Variants in PPARGC1A observed in about 807,000 individuals in gnomAD.
The protein encoded by PPARGC1A is PPARG coactivator 1 alpha.
Under a neutral mutation model 88.7 loss-of-function variants are expected in PPARGC1A, and 25 were observed. The ratio of observed to expected loss-of-function variants is 0.28; its 90% CI spans 0.21 to 0.39. The LOEUF is 0.39. PPARGC1A is among the 10% of genes least tolerant of loss of function. PPARGC1A has a pLI of 1.00. For synonymous variants in PPARGC1A, 363 were observed against 355.6 expected (o/e 1.02, Z -0.24); for missense variants, 880 against 968.7 (o/e 0.91, Z 1.22).
the PPARGC1A span, among the ~76,000 whole-genome samples, chr4:24,208,753 A>G: frequency 6.6e-6 from 1 of 150,680 alleles, no homozygotes; most frequent in Admixed American, 6.6e-5. Flanking sequence ...TCCAGTGCTT[A>G]CTATGTGCCA....
the PPARGC1A span, among the ~76,000 whole-genome samples, chr4:24,317,014 G>A: frequency 6.6e-6 from 1 of 152,082 alleles, no homozygotes; most frequent in Non-Finnish European, 1.5e-5. Flanking sequence ...AACTGTAACT[G>A]AGAACTGTTC....
chr4:24,139,251 A>G, the PPARGC1A span, among the ~76,000 whole-genome samples: 1 of 151,632 alleles, frequency 6.6e-6, no homozygotes, highest in Admixed American at 6.6e-5. Context: ...CTTCTGCCTC[A>G]GCCTCCCAAG....
upstream of PPARGC1A, among the ~76,000 whole-genome samples, chr4:23,908,220 G>A (rs1236893173): frequency 6.6e-6 from 1 of 152,102 alleles, no homozygotes. Context: ...GTATTTATAA[G>A]CAAAATCATC....
the PPARGC1A span, among the ~76,000 whole-genome samples, chr4:23,928,347 A>G: frequency 6.6e-6 from 1 of 152,162 alleles, no homozygotes; most frequent in African/African-American, 2.4e-5. Flanking sequence ...CAAAATAAAT[A>G]CTCAACAAGA....
the PPARGC1A span, among the ~76,000 whole-genome samples, chr4:23,995,880 A>G: frequency 6.6e-6 from 1 of 152,198 alleles, no homozygotes; most frequent in Non-Finnish European, 1.5e-5. Flanking sequence ...TTAGCTGAAT[A>G]AATCCATAAA....
At chr4:24,039,468 T>G in the PPARGC1A span, among the ~76,000 whole-genome samples, 1 of 152,156 alleles carries the variant, frequency 6.6e-6, no homozygotes, top group Non-Finnish European at 1.5e-5. Context: ...TATTTAAGGC[T>G]ACAAAGAATC....
At chr4:24,354,597 A>G in the PPARGC1A span, among the ~76,000 whole-genome samples, 35 of 152,262 alleles carry the variant, frequency 2.3e-4, no homozygotes, top group Non-Finnish European at 4.4e-4. Context: ...ATGTAAAACC[A>G]CCCTTTTGGC....
At chr4:24,132,833 C>G in the PPARGC1A span, among the ~76,000 whole-genome samples, 1 of 151,852 alleles carries the variant, frequency 6.6e-6, no homozygotes, top group African/African-American at 2.4e-5. Context: ...CAATTTAGAA[C>G]AGTCCCTAGT....
the PPARGC1A span, chr4:24,091,323 G>A: frequency 3.3e-4 from 165 of 498,182 alleles, 2 homozygotes; most frequent in African/African-American, 3.3e-3. Context: ...TTGCAAAGAC[G>A]TGGACACTAC....
At chr4:23,894,413 C>T (rs1426045906), upstream of PPARGC1A, among the ~76,000 whole-genome samples, 2 of 151,936 alleles carry the variant, frequency 1.3e-5, no homozygotes, top group Non-Finnish European at 2.9e-5. Context: ...TAGGATATAA[C>T]AAAGACTTCT....
chr4:24,441,126 G>A, the PPARGC1A span, among the ~76,000 whole-genome samples: 1 of 152,170 alleles, frequency 6.6e-6, no homozygotes, highest in South Asian at 2.1e-4. Context: ...TCAGTTGTTT[G>A]TTAGAGAGAT....
At chr4:24,143,902 C>T in the PPARGC1A span, among the ~76,000 whole-genome samples, 1 of 152,230 alleles carries the variant, frequency 6.6e-6, no homozygotes, top group Non-Finnish European at 1.5e-5. Flanking sequence ...GGCAGTCTTA[C>T]TCCAAGTTTG....
At chr4:24,350,380 G>GA in the PPARGC1A span, among the ~76,000 whole-genome samples, 61 of 152,054 alleles carry the variant, frequency 4.0e-4, no homozygotes, top group African/African-American at 1.3e-3. Flanking sequence ...AATAGCATCT[G>GA]AAAAAAACTT....
the PPARGC1A span, among the ~76,000 whole-genome samples, chr4:23,994,630 ATTG>A: frequency 6.6e-6 from 1 of 152,096 alleles, no homozygotes; most frequent in Non-Finnish European, 1.5e-5. Flanking sequence ...AATATGCCCC[ATTG>A]CCTCAAGAGC....
At chr4:24,287,467 G>A in the PPARGC1A span, among the ~76,000 whole-genome samples, 1 of 152,024 alleles carries the variant, frequency 6.6e-6, no homozygotes, top group Non-Finnish European at 1.5e-5. Flanking sequence ...ATGATATAAA[G>A]GGACTAGCCA....
intron 2 of PPARGC1A, among the ~76,000 whole-genome samples, chr4:23,853,957 G>T (rs1221867972): frequency 6.6e-6 from 1 of 152,106 alleles, no homozygotes; most frequent in Non-Finnish European, 1.5e-5. Context: ...CCCATACACA[G>T]GGAAGATAAT....
At chr4:23,944,720 A>G in the PPARGC1A span, among the ~76,000 whole-genome samples, 1 of 152,024 alleles carries the variant, frequency 6.6e-6, no homozygotes, top group Non-Finnish European at 1.5e-5. Flanking sequence ...TTCTTATGAG[A>G]TCTGATGGTT....
the PPARGC1A span, among the ~76,000 whole-genome samples, chr4:24,011,139 C>G: frequency 2.6e-5 from 4 of 152,294 alleles, no homozygotes; most frequent in South Asian, 8.3e-4. Context: ...GCCAACACTT[C>G]TTTCTTCTTT....
At chr4:23,926,330 A>G in the PPARGC1A span, among the ~76,000 whole-genome samples, 9 of 152,148 alleles carry the variant, frequency 5.9e-5, no homozygotes, top group Non-Finnish European at 1.0e-4. Context: ...TGTTCTTTGC[A>G]TCTGTTGAAA....
Sources: gnomAD v4.1 joint callset for allele counts (sites outside exome capture counted in the v4.1 genomes callset) on GRCh38, gnomAD v4.1.1 for gene constraint, MANE v1.5 for transcripts, NCBI Gene and HGNC (gene_info 2026-07-23, HGNC 2026-07-21) for gene names.